Variants in PDE8A observed in about 807,000 individuals in gnomAD.
PDE8A encodes the protein phosphodiesterase 8A.
In PDE8A, 59 loss-of-function variants were observed where a neutral mutation model predicts 105.0. The ratio of observed to expected loss-of-function variants is 0.56; its 90% CI spans 0.46 to 0.70. PDE8A has a LOEUF of 0.70. Ranked by LOEUF, PDE8A falls within the 30% of genes least tolerant of loss-of-function variation. The probability of loss-of-function intolerance (pLI) is 0.00; values close to 1 mark genes in which losing one functional copy is unlikely to be tolerated. For synonymous variants in PDE8A, 355 were observed against 371.9 expected (o/e 0.95, Z 0.52); for missense variants, 1,014 against 1,045.9 (o/e 0.97, Z 0.42).
At chr15:85,128,478 A>C (rs186764910) in intron 20 of PDE8A, among the ~76,000 whole-genome samples, 397 of 152,320 alleles carry the variant, frequency 2.6e-3, no homozygotes, top group South Asian at 5.8e-3. Flanking sequence ...CCTGGGTGAC[A>C]GAGCAAGACT....
intron 1 of PDE8A, among the ~76,000 whole-genome samples, chr15:85,041,865 C>T (rs922029939): frequency 1.3e-5 from 2 of 152,132 alleles, no homozygotes; most frequent in Admixed American, 1.3e-4. Context: ...CTTCATCTGC[C>T]CCAGGAGTTC....
chr15:85,008,766 C>T (rs1021224666), intron 1 of PDE8A, among the ~76,000 whole-genome samples: 13 of 152,148 alleles, frequency 8.5e-5, no homozygotes, highest in Non-Finnish European at 1.8e-4. Flanking sequence ...TTCATCCCAC[C>T]CTATTCCACC....
intron 1 of PDE8A, among the ~76,000 whole-genome samples, chr15:85,058,120 G>A (rs778912085): frequency 2.6e-5 from 4 of 151,912 alleles, no homozygotes; most frequent in Non-Finnish European, 4.4e-5. Context: ...TTGCTCTGTT[G>A]CCCAAGTTGG....
In PDE8A at chr15:85,048,593, C is replaced by T. The variant is rs560128603; in HGVS notation, c.187-15777C>T. ...CTTCCTGTCATTTTCTTCCTTTCTT[C>T]TTCCTGAGCAGTTCCACTGCATTCT... On this transcript the variant is annotated intron_variant, in intron 1 of 21. Transcript: ENST00000394553. Among the ~76,000 whole-genome samples, 11 of 152,306 alleles carry T rather than the reference C, an allele frequency of 7.2e-5. No individual in the cohort carries two copies. The East Asian group carries it at 2.1e-3, about 29-fold the overall frequency.
chr15:85,089,460 C>T (rs749201022), intron 7 of PDE8A, 44 bp downstream of exon 7: 1 of 1,142,410 alleles, frequency 8.8e-7, no homozygotes, highest in Non-Finnish European at 1.3e-6. Flanking sequence ...TCTTGTTTTG[C>T]TTTTTCCAAC....
intron 1 of PDE8A, among the ~76,000 whole-genome samples, chr15:85,045,954 A>G: frequency 6.6e-6 from 1 of 152,274 alleles, no homozygotes. Context: ...AATTGACCCC[A>G]GGATAACTTT....
intron 1 of PDE8A, among the ~76,000 whole-genome samples, chr15:84,998,908 G>A (rs1325979741): frequency 3.3e-5 from 5 of 152,116 alleles, no homozygotes; most frequent in Non-Finnish European, 7.3e-5. Flanking sequence ...GACTATATGA[G>A]CAAACATATA....
chr15:85,136,184 A>G (rs938401805), intron 20 of PDE8A, among the ~76,000 whole-genome samples: 2 of 152,196 alleles, frequency 1.3e-5, no homozygotes, highest in South Asian at 2.1e-4. Flanking sequence ...TAAACTCTGT[A>G]TATTAATTTT....
At chr15:85,006,978 A>G (rs963453702) in intron 1 of PDE8A, among the ~76,000 whole-genome samples, 2 of 152,220 alleles carry the variant, frequency 1.3e-5, no homozygotes, top group African/African-American at 4.8e-5. Flanking sequence ...CTGTGGTGGG[A>G]CATTGTGCAT....
intron 1 of PDE8A, among the ~76,000 whole-genome samples, chr15:84,989,823 A>AGC (rs1462699452): frequency 3.9e-5 from 6 of 152,198 alleles, no homozygotes; most frequent in African/African-American, 1.4e-4. Flanking sequence ...TTTTTAATAT[A>AGC]GTTTTTCTCC....
chr15:84,984,226 C>A (rs2079766730), intron 1 of PDE8A, among the ~76,000 whole-genome samples: 2 of 152,134 alleles, frequency 1.3e-5, no homozygotes, highest in Non-Finnish European at 2.9e-5. Flanking sequence ...GAAATAATAG[C>A]CCCATACTTG....
At chr15:85,039,133 AAAAAAG>A (rs980658177) in intron 1 of PDE8A, among the ~76,000 whole-genome samples, 5 of 151,918 alleles carry the variant, frequency 3.3e-5, no homozygotes, top group African/African-American at 7.3e-5. Context: ...AGAAAAAAAA[AAAAAAG>A]AAAAGAGTGG....
At chr15:85,048,248 A>G (rs1290060417) in intron 1 of PDE8A, among the ~76,000 whole-genome samples, 1 of 152,036 alleles carries the variant, frequency 6.6e-6, no homozygotes. Context: ...AAGGATAAAA[A>G]CTGTACAGTT....
rs139614003 is a variant in PDE8A at position 84,999,181 on chromosome 15, T to C, written c.186+16833T>C. On this transcript the variant is annotated intron_variant, in intron 1 of 21. Transcript: ENST00000394553. ...TGTCACCTAGGCTGGATTTCAGTGG[T>C]GCAATCTTGACTCACTGCAACCTCT... Among the ~76,000 whole-genome samples the C allele has an allele frequency of 5.5e-3, 825 of 149,402 alleles. 6 individuals carry two copies. Among genetic ancestry groups the C allele is most frequent in the Admixed American group, 8.6e-3 (127 of 14,722 alleles).
intron 20 of PDE8A, among the ~76,000 whole-genome samples, chr15:85,134,671 C>T (rs957517072): frequency 6.6e-6 from 1 of 152,218 alleles, no homozygotes. Context: ...TCCCCAGCAC[C>T]GTCAACACTT....
intron 14 of PDE8A, chr15:85,115,112 C>T (rs1454146799): frequency 9.4e-6 from 3 of 320,076 alleles, no homozygotes; most frequent in African/African-American, 4.4e-5. Flanking sequence ...ACCAAATGGT[C>T]CTGGAGTGCA....
chr15:85,123,690 ACT>A (rs1265871269), intron 19 of PDE8A, among the ~76,000 whole-genome samples: 2 of 152,168 alleles, frequency 1.3e-5, no homozygotes, highest in African/African-American at 4.8e-5. Context: ...TTTTGGCAAC[ACT>A]CTCACAGAAA....
chr15:85,030,258 TG>T (rs1477384282), intron 1 of PDE8A, among the ~76,000 whole-genome samples: 5 of 151,890 alleles, frequency 3.3e-5, no homozygotes, highest in Non-Finnish European at 7.4e-5. Flanking sequence ...GTCTCCTGCT[TG>T]TGGAATATCT....
chr15:85,128,514 A>G (rs1159113451), intron 20 of PDE8A, among the ~76,000 whole-genome samples: 1 of 152,146 alleles, frequency 6.6e-6, no homozygotes, highest in Non-Finnish European at 1.5e-5. Flanking sequence ...GAAAAGAGCA[A>G]CAACCATAAG....
Sources: gnomAD v4.1 joint callset for allele counts (sites outside exome capture counted in the v4.1 genomes callset) on GRCh38, gnomAD v4.1.1 for gene constraint, MANE v1.5 for transcripts, NCBI Gene and HGNC (gene_info 2026-07-23, HGNC 2026-07-21) for gene names.